Variants in EPB41L3 observed in about 807,000 individuals in gnomAD.
EPB41L3 encodes the protein erythrocyte membrane protein band 4.1 like 3.
In EPB41L3, 57 loss-of-function variants were observed where a neutral mutation model predicts 127.1. The observed-to-expected ratio is 0.45, with a 90% CI of 0.36 to 0.56. The LOEUF (loss-of-function observed/expected upper bound fraction) is 0.56. Among genes scored for constraint, EPB41L3 ranks in the 20% least tolerant of loss-of-function variants. EPB41L3 has a pLI of 0.00. For missense variants in EPB41L3, 1,273 were observed against 1,372.2 expected (o/e 0.93, Z 1.14); for synonymous variants, 572 against 549.5 (o/e 1.04, Z -0.57).
intron 1 of EPB41L3, among the ~76,000 whole-genome samples, chr18:5,522,795 A>G (rs1412475857): frequency 6.6e-6 from 1 of 152,250 alleles, no homozygotes; most frequent in Non-Finnish European, 1.5e-5. Flanking sequence ...CAGATACAAA[A>G]TAACAGACAA....
At chr18:5,562,380 A>G (rs1308643639) in intron 3 of EPB41L3, among the ~76,000 whole-genome samples, 3 of 152,220 alleles carry the variant, frequency 2.0e-5, no homozygotes, top group Admixed American at 1.3e-4. Context: ...AACTTGTAGG[A>G]TGGTCAGGAG....
rs1226138217 is a variant in EPB41L3, at chr18:5,410,579, G to T, written c.2108C>A (p.Thr703Asn). The change falls in exon 14 of 23, where the codon ACC (threonine) becomes AAC (asparagine). Residue 703 changes from threonine (T) to asparagine (N), a missense_variant. Physicochemically the swap from Thr to Asn is moderately conservative, Grantham distance 65. Coordinates refer to ENST00000341928, the MANE Select transcript of EPB41L3 (RefSeq NM_012307.5). The part of the protein sequence containing the change: ...ERTDTAADGE[T>N]TATESDQEED... ...CAAAATACCAACCTCAGTGGCAGTG[G>T]TCTCCCCGTCGGCTGCGGTGTCCGT... The T allele has an allele frequency of 3.7e-6, 6 of 1,613,572 alleles. No individual in the cohort carries two copies. The East Asian group carries it at 1.3e-4, about 36-fold the overall frequency.
intron 18 of EPB41L3, among the ~76,000 whole-genome samples, chr18:5,396,647 T>C (rs2073543805): frequency 6.6e-6 from 1 of 152,140 alleles, no homozygotes; most frequent in Non-Finnish European, 1.5e-5. Context: ...GGAATCTCAA[T>C]AAAAGAGGAT....
chr18:5,614,587 C>T (rs1268981058), intron 1 of EPB41L3, among the ~76,000 whole-genome samples: 1 of 152,084 alleles, frequency 6.6e-6, no homozygotes, highest in Admixed American at 6.6e-5. Context: ...TTTGTGCTCC[C>T]TCATTGGCTC....
chr18:5,573,793 TTAAC>T (rs1555805950), intron 3 of EPB41L3, among the ~76,000 whole-genome samples: 1 of 152,078 alleles, frequency 6.6e-6, no homozygotes, highest in Non-Finnish European at 1.5e-5. Flanking sequence ...TAAGAAAAAA[TTAAC>T]TACTTATGTT....
chr18:5,616,412 G>A (rs1270394439), intron 1 of EPB41L3, among the ~76,000 whole-genome samples: 1 of 151,984 alleles, frequency 6.6e-6, no homozygotes, highest in African/African-American at 2.4e-5. Context: ...CTAAAAAAAT[G>A]CACCTAAAGT....
Position 5,393,308 on chromosome 18 carries a change from A to T in EPB41L3, c.*177T>A. The T allele has an allele frequency of 2.1e-6, 1 of 487,356 alleles. No homozygotes were observed. Among genetic ancestry groups the T allele is most frequent in the Non-Finnish European group, 3.6e-6 (1 of 275,660 alleles). 30.2% of individuals were successfully genotyped at this position (487,356 alleles called of 1,614,324 possible). On this transcript the variant is annotated 3_prime_UTR_variant, in exon 23 of 23. Transcript: ENST00000341928. ...TGATGCTGAATCAGATTGCTTTATT[A>T]TGGGAAGATCTCTCTGCCAGTGTCT...
chr18:5,451,542 G>A (rs2082278051), intron 3 of EPB41L3, among the ~76,000 whole-genome samples: 1 of 152,164 alleles, frequency 6.6e-6, no homozygotes, highest in African/African-American at 2.4e-5. Context: ...CTGTGTCTCT[G>A]GGCACTCACT....
upstream of EPB41L3, among the ~76,000 whole-genome samples, chr18:5,629,848 G>C (rs1164997470): frequency 6.6e-6 from 1 of 152,212 alleles, no homozygotes; most frequent in Admixed American, 6.5e-5. Context: ...GGGGAGGGGA[G>C]TGACAGCAGC....
At chr18:5,457,598 G>A (rs145347022) in intron 3 of EPB41L3, among the ~76,000 whole-genome samples, 7 of 152,164 alleles carry the variant, frequency 4.6e-5, no homozygotes, top group East Asian at 3.9e-4. Context: ...ACAACATCAC[G>A]GTTTAGCTAT....
chr18:5,395,108 G>A lies in EPB41L3; in HGVS notation c.3112C>T (p.Arg1038Ter). The change falls in exon 21 of 23, where the codon CGA becomes TGA. Residue 1038 changes from arginine to a stop codon, truncating the protein, a stop_gained. Transcript: ENST00000341928. LOFTEE classifies it high-confidence loss of function. Reference protein sequence around the residue: ...GGISETRIEKRIVITGDADID... With the variant: ...GGISETRIEK ...TCTGCATCCCCCGTGATGACTATTC[G>A]CTTCTCAATTCTTGTCTCTGAAATG... is the stretch of plus-strand genomic sequence containing the variant. The A allele has an allele frequency of 3.7e-6, 6 of 1,613,990 alleles. No homozygotes were observed. Among genetic ancestry groups the A allele is most frequent in the South Asian group, 1.1e-5 (1 of 91,080 alleles).
At chr18:5,434,211 TCTCC>T in intron 6 of EPB41L3, 90 bp from the exon 7 acceptor site, 1 of 986,360 alleles carries the variant, frequency 1.0e-6, no homozygotes, top group South Asian at 1.4e-5. Flanking sequence ...GCAAATAATT[TCTCC>T]CTGTAGAACA....
At chr18:5,629,586 C>G (rs531647762), upstream of EPB41L3, among the ~76,000 whole-genome samples, 1 of 152,146 alleles carries the variant, frequency 6.6e-6, no homozygotes, top group South Asian at 2.1e-4. Context: ...TTCGCACCTT[C>G]CCGGAAGGCC....
chr18:5,592,045 C>G (rs906163594), intron 3 of EPB41L3, among the ~76,000 whole-genome samples: 1 of 151,948 alleles, frequency 6.6e-6, no homozygotes, highest in Non-Finnish European at 1.5e-5. Context: ...CATCTTGACT[C>G]TTAAAAACAG....
At chr18:5,478,088 G>A (rs1214908478) in intron 3 of EPB41L3, among the ~76,000 whole-genome samples, 153 bp downstream of exon 3, 2 of 152,060 alleles carry the variant, frequency 1.3e-5, no homozygotes, top group East Asian at 3.9e-4. Context: ...CTGATCCCCT[G>A]TTACAGACTA....
chr18:5,458,318 A>C (rs1238749138), intron 3 of EPB41L3, among the ~76,000 whole-genome samples: 1 of 152,214 alleles, frequency 6.6e-6, no homozygotes, highest in Non-Finnish European at 1.5e-5. Flanking sequence ...TAAACTTCTC[A>C]AATTTTCCCC....
chr18:5,551,482 T>C (rs2149142494), intron 3 of EPB41L3, among the ~76,000 whole-genome samples: 1 of 152,230 alleles, frequency 6.6e-6, no homozygotes, highest in Middle Eastern at 3.4e-3. Context: ...CCCAGCACTT[T>C]GGGAGGCCGA....
intron 3 of EPB41L3, among the ~76,000 whole-genome samples, chr18:5,549,541 A>G (rs915452287): frequency 6.6e-6 from 1 of 152,214 alleles, no homozygotes; most frequent in Admixed American, 6.5e-5. Context: ...ATTTGTGAAC[A>G]GTTTTCTAAG....
chr18:5,563,859 C>A (rs141069476), intron 3 of EPB41L3, among the ~76,000 whole-genome samples: 1 of 152,010 alleles, frequency 6.6e-6, no homozygotes, highest in East Asian at 1.9e-4. Flanking sequence ...TCTAACAATC[C>A]GTAAAATATT....
Sources: allele counts gnomAD v4.1 joint callset (sites outside exome capture counted in the v4.1 genomes callset), GRCh38; gene constraint gnomAD v4.1.1; transcripts MANE v1.5; gene names NCBI Gene and HGNC (gene_info 2026-07-23, HGNC 2026-07-21).